Variants in IL37 observed in about 807,000 individuals in gnomAD.
The protein encoded by IL37 is interleukin 37, also known as interleukin-37.
IL37 carries 15 observed loss-of-function variants against 15.4 expected under a neutral mutation model. That is an observed-to-expected ratio of 0.98 (90% CI 0.65 to 1.50). IL37 has a LOEUF of 1.50. Ranked by LOEUF, IL37 falls within the 40% of genes most tolerant of loss-of-function variation. IL37 has a pLI of 0.00. For missense variants in IL37, 269 were observed against 261.7 expected (o/e 1.03, Z -0.19); for synonymous variants, 98 against 97.4 (o/e 1.01, Z -0.03).
intron 3 of IL37, chr2:112,915,137 G>C: frequency 6.5e-7 from 1 of 1,530,504 alleles, no homozygotes; most frequent in South Asian, 1.1e-5. Flanking sequence ...GATCATGAGC[G>C]AGAACACCAC....
intron 1 of IL37, among the ~76,000 whole-genome samples, chr2:112,911,479 G>A (rs139024289): frequency 1.3e-5 from 2 of 152,332 alleles, no homozygotes; most frequent in Non-Finnish European, 2.9e-5. Flanking sequence ...GGGCCAGGCA[G>A]ACACTAGCTT....
intron 3 of IL37, among the ~76,000 whole-genome samples, chr2:112,915,543 T>C (rs922081889): frequency 6.6e-6 from 1 of 152,204 alleles, no homozygotes; most frequent in Non-Finnish European, 1.5e-5. Flanking sequence ...AACCATAGTT[T>C]GCAGGTGATT....
At chr2:112,915,147 C>G (rs745467914) in intron 3 of IL37, 1 of 1,570,252 alleles carries the variant, frequency 6.4e-7, no homozygotes, top group South Asian at 1.1e-5. Context: ...GAGAACACCA[C>G]TTAAGAGGAT....
At chr2:112,914,991 A>G (rs2723177) in intron 3 of IL37, among the ~76,000 whole-genome samples, 14,833 of 152,200 alleles carry the variant, frequency 0.097, 959 homozygotes, top group African/African-American at 0.17. Flanking sequence ...ACAGAAAGTT[A>G]CTAGTGCCCT....
intron 3 of IL37, among the ~76,000 whole-genome samples, chr2:112,914,978 C>A (rs1053214805): frequency 2.0e-5 from 3 of 152,160 alleles, no homozygotes; most frequent in African/African-American, 7.2e-5. Flanking sequence ...GAGCTACTGC[C>A]CTACAGAAAG....
At chr2:112,916,639 C>T (rs1016428032) in intron 3 of IL37, among the ~76,000 whole-genome samples, 1 of 152,208 alleles carries the variant, frequency 6.6e-6, no homozygotes, top group African/African-American at 2.4e-5. Flanking sequence ...ATCTGTTCCA[C>T]TCTAGGCACT....
In IL37 at chr2:112,918,821, A is replaced by T. The variant is rs1683388993; in HGVS notation, c.*12A>T. 6.2e-7 allele frequency: 1 copy of T among 1,602,920 alleles called. No individual in the cohort carries two copies. Among genetic ancestry groups the T allele is most frequent in the Admixed American group, 1.7e-5 (1 of 59,150 alleles). On this transcript the variant is annotated 3_prime_UTR_variant, in exon 6 of 6. Transcript: ENST00000263326. ...AGGTCAGCGATTAGGAAACTGCCCCATTGAACGCCTTCCTCGCTAATTTGA... is the reference window on the plus strand; with the variant it reads ...AGGTCAGCGATTAGGAAACTGCCCCTTTGAACGCCTTCCTCGCTAATTTGA...
intron 2 of IL37, among the ~76,000 whole-genome samples, 163 bp from the exon 3 acceptor site, chr2:112,913,629 C>G (rs745672419): frequency 3.3e-5 from 5 of 152,224 alleles, no homozygotes; most frequent in Admixed American, 2.6e-4. Context: ...CATCTCTATT[C>G]TATGTTTCTG....
chr2:112,914,236 C>T (rs759038852), intron 3 of IL37, among the ~76,000 whole-genome samples: 1 of 152,114 alleles, frequency 6.6e-6, no homozygotes, highest in Admixed American at 6.5e-5. Context: ...GGGCTCAGGG[C>T]GGCGCCTTCA....
intron 3 of IL37, among the ~76,000 whole-genome samples, chr2:112,915,839 G>T (rs1045292733): frequency 6.6e-6 from 1 of 152,146 alleles, no homozygotes; most frequent in Non-Finnish European, 1.5e-5. Flanking sequence ...GGAGGATCAC[G>T]GGTGAGTCAG....
chr2:112,914,972 T>C (rs1227672641), intron 3 of IL37, among the ~76,000 whole-genome samples: 1 of 152,188 alleles, frequency 6.6e-6, no homozygotes, highest in Non-Finnish European at 1.5e-5. Flanking sequence ...GTCTGAGAGC[T>C]ACTGCCCTAC....
At chr2:112,917,913 A>G in intron 5 of IL37, 136 bp downstream of exon 5, 1 of 881,474 alleles carries the variant, frequency 1.1e-6, no homozygotes, top group East Asian at 2.5e-5. Context: ...TGGAAGCACC[A>G]GGCAGAAGAG....
intron 3 of IL37, among the ~76,000 whole-genome samples, chr2:112,914,789 G>A (rs751393640): frequency 1.2e-4 from 18 of 152,148 alleles, no homozygotes; most frequent in South Asian, 4.1e-4. Flanking sequence ...CAAATCTGGC[G>A]GAAGTGGTTC....
At chr2:112,915,321 A>C in intron 3 of IL37, 3 of 1,355,896 alleles carry the variant, frequency 2.2e-6, no homozygotes, top group Non-Finnish European at 3.1e-6. Context: ...TTCCAGTCTC[A>C]CCCTGGACTA....
chr2:112,915,704 T>G (rs2723180), intron 3 of IL37, among the ~76,000 whole-genome samples: 14,747 of 152,232 alleles, frequency 0.097, 941 homozygotes, highest in African/African-American at 0.17. Context: ...GCAGGGCTGA[T>G]AACCATGGAT....
chr2:112,918,313 GTCTCTC>G (rs113652399), intron 5 of IL37, among the ~76,000 whole-genome samples: 13 of 148,390 alleles, frequency 8.8e-5, no homozygotes, highest in African/African-American at 2.5e-4. Context: ...TGACTCTTAC[GTCTCTC>G]TCTCTCTCTC....
At chr2:112,917,593 C>T in intron 4 of IL37, 42 bp from the exon 5 acceptor site, 1 of 1,526,128 alleles carries the variant, frequency 6.6e-7, no homozygotes, top group Non-Finnish European at 8.8e-7. Flanking sequence ...AGACCTTTCC[C>T]TGCTCTCAGA....
rs1377019262 is a variant in IL37 at position 112,917,117 on chromosome 2, A to T, written c.146-12A>T. On this transcript the variant is annotated splice_polypyrimidine_tract_variant and intron_variant, in intron 3 of 5. Coordinates refer to ENST00000263326, the MANE Select transcript of IL37 (RefSeq NM_014439.4). The stretch of plus-strand genomic sequence containing the variant: ...CAATGTGAAGTGTTGATATCTGGTG[A>T]TATTGATCTAGGTCCAAAGGTGAAG... 6.2e-7 allele frequency: 1 copy of T among 1,613,408 alleles called. No individual in the cohort carries two copies. Among genetic ancestry groups the T allele is most frequent in the East Asian group, 2.2e-5 (1 of 44,892 alleles).
At chr2:112,915,223 AC>A in intron 3 of IL37, 3 of 1,614,080 alleles carry the variant, frequency 1.9e-6, no homozygotes, top group Non-Finnish European at 2.5e-6. Flanking sequence ...GGAAACAGAA[AC>A]CAAAGGAAAG....
Sources: gnomAD v4.1 joint callset for allele counts (sites outside exome capture counted in the v4.1 genomes callset) on GRCh38, gnomAD v4.1.1 for gene constraint, MANE v1.5 for transcripts, NCBI Gene and HGNC (gene_info 2026-07-23, HGNC 2026-07-21) for gene names.